Variants in DPP10 observed in about 807,000 individuals in gnomAD.
The protein encoded by DPP10 is dipeptidyl peptidase like 10.
In DPP10, 33 loss-of-function variants were observed where a neutral mutation model predicts 120.9. The observed-to-expected ratio is 0.27, with a 90% CI of 0.21 to 0.37. The LOEUF is 0.37. Ranked by LOEUF, DPP10 falls within the 10% of genes least tolerant of loss-of-function variation. The pLI, the probability that DPP10 is intolerant of heterozygous loss-of-function variation, is 1.00. For missense variants in DPP10, 816 were observed against 942.8 expected, an observed-to-expected ratio of 0.87 and a Z score of 1.76; for synonymous variants, 337 against 326.1, an observed-to-expected ratio of 1.03 and a Z score of -0.36.
intron 13 of DPP10, among the ~76,000 whole-genome samples, chr2:115,772,130 A>G (rs1427416960): frequency 2.6e-5 from 4 of 152,148 alleles, no homozygotes; most frequent in Non-Finnish European, 5.9e-5. Flanking sequence ...TATGTAAACT[A>G]CAGTATTGCA....
chr2:115,513,476 CT>C (rs1346501700), intron 4 of DPP10, among the ~76,000 whole-genome samples: 19 of 151,728 alleles, frequency 1.3e-4, no homozygotes, highest in African/African-American at 4.3e-4. Context: ...TTTCTCACTC[CT>C]TTTTTGTTAG....
chr2:115,113,740 C>T (rs772900509), intron 1 of DPP10, among the ~76,000 whole-genome samples: 36 of 152,096 alleles, frequency 2.4e-4, no homozygotes, highest in Non-Finnish European at 4.4e-4. Flanking sequence ...CAACATATAA[C>T]GTTCTACATA....
intron 1 of DPP10, among the ~76,000 whole-genome samples, chr2:115,268,898 C>T (rs551392386): frequency 8.4e-6 from 1 of 118,414 alleles, no homozygotes; most frequent in African/African-American, 2.9e-5. Flanking sequence ...GCCTGTAATC[C>T]CAGCACTTTA....
chr2:114,596,551 A>AT (rs1362444814), intron 1 of DPP10, among the ~76,000 whole-genome samples: 1 of 152,068 alleles, frequency 6.6e-6, no homozygotes, highest in African/African-American at 2.4e-5. Flanking sequence ...ATAATGCATC[A>AT]TTTTAACTAT....
intron 1 of DPP10, among the ~76,000 whole-genome samples, chr2:115,053,544 ATAAT>A (rs1459880651): frequency 6.6e-6 from 1 of 152,208 alleles, no homozygotes; most frequent in Admixed American, 6.5e-5. Context: ...GATTGTTGTG[ATAAT>A]TAGACACCAT....
chr2:115,218,493 T>G (rs1325232908), intron 1 of DPP10, among the ~76,000 whole-genome samples: 1 of 152,146 alleles, frequency 6.6e-6, no homozygotes, highest in Non-Finnish European at 1.5e-5. Flanking sequence ...ATGTATTTCT[T>G]TTAAGCTGTA....
intron 1 of DPP10, among the ~76,000 whole-genome samples, chr2:115,188,649 T>C (rs900064722): frequency 6.6e-6 from 1 of 152,202 alleles, no homozygotes; most frequent in African/African-American, 2.4e-5. Context: ...ATACCATTTA[T>C]CACCTTGAGA....
At chr2:114,982,897 G>T (rs549775892) in intron 1 of DPP10, among the ~76,000 whole-genome samples, 1 of 151,808 alleles carries the variant, frequency 6.6e-6, no homozygotes, top group Non-Finnish European at 1.5e-5. Flanking sequence ...GTGAGCCACT[G>T]CGCCCAGCCA....
At chr2:115,399,194 GAAGAA>G (rs1357773041) in intron 3 of DPP10, among the ~76,000 whole-genome samples, 1 of 152,092 alleles carries the variant, frequency 6.6e-6, no homozygotes, top group Non-Finnish European at 1.5e-5. Flanking sequence ...TTTCTAACAT[GAAGAA>G]AAGGGCTTTA....
intron 3 of DPP10, among the ~76,000 whole-genome samples, chr2:115,458,651 C>CAT (rs1379996058): frequency 6.6e-6 from 1 of 151,916 alleles, no homozygotes; most frequent in Non-Finnish European, 1.5e-5. Flanking sequence ...TACACACACA[C>CAT]ATATATACGT....
chr2:114,691,305 T>A (rs1051512411), intron 1 of DPP10, among the ~76,000 whole-genome samples: 5 of 152,150 alleles, frequency 3.3e-5, no homozygotes, highest in Non-Finnish European at 7.4e-5. Flanking sequence ...AGGCTTTTTC[T>A]GTGTCTGTTG....
At chr2:114,826,296 C>T (rs928533319) in intron 1 of DPP10, among the ~76,000 whole-genome samples, 2 of 152,046 alleles carry the variant, frequency 1.3e-5, no homozygotes, top group African/African-American at 4.8e-5. Flanking sequence ...CATGATGTTT[C>T]AGAGCTTTTA....
intron 1 of DPP10, chr2:115,162,028 G>C (rs2052413495): frequency 1.4e-6 from 2 of 1,411,698 alleles, no homozygotes; most frequent in Non-Finnish European, 1.8e-6. Context: ...CGGCGGACCA[G>C]GTGAGAGTCG....
intron 1 of DPP10, among the ~76,000 whole-genome samples, chr2:115,045,235 A>T (rs1280757274): frequency 6.6e-6 from 1 of 152,170 alleles, no homozygotes; most frequent in African/African-American, 2.4e-5. Context: ...TTTAAATATG[A>T]CATGCCATTC....
intron 1 of DPP10, among the ~76,000 whole-genome samples, chr2:114,615,187 G>C (rs1384988491): frequency 6.6e-6 from 1 of 151,878 alleles, no homozygotes; most frequent in African/African-American, 2.4e-5. Context: ...TATTTTCTAA[G>C]TAAAGAATAA....
chr2:115,687,116 G>A (rs1316970303), intron 5 of DPP10, among the ~76,000 whole-genome samples: 3 of 152,004 alleles, frequency 2.0e-5, no homozygotes, highest in Non-Finnish European at 4.4e-5. Context: ...AGCACAGGGT[G>A]AATTTAGACC....
intron 8 of DPP10, among the ~76,000 whole-genome samples, chr2:115,739,279 A>C (rs1354960411): frequency 2.0e-5 from 3 of 152,056 alleles, no homozygotes; most frequent in Admixed American, 2.0e-4. Context: ...AATTAAATGA[A>C]AGATACCCAG....
intron 1 of DPP10, among the ~76,000 whole-genome samples, chr2:114,843,470 A>T (rs1688316600): frequency 6.6e-6 from 1 of 152,194 alleles, no homozygotes; most frequent in Non-Finnish European, 1.5e-5. Flanking sequence ...AGAAGTGGAC[A>T]GAGTATGCAG....
intron 3 of DPP10, among the ~76,000 whole-genome samples, chr2:115,475,715 A>T (rs1248525671): frequency 6.6e-6 from 1 of 152,204 alleles, no homozygotes; most frequent in Non-Finnish European, 1.5e-5. Flanking sequence ...AAGCCACAGG[A>T]GTGGAGCTGC....
Sources: gnomAD v4.1 joint callset for allele counts (sites outside exome capture counted in the v4.1 genomes callset) on GRCh38, gnomAD v4.1.1 for gene constraint, MANE v1.5 for transcripts, NCBI Gene and HGNC (gene_info 2026-07-23, HGNC 2026-07-21) for gene names.